ATP6V0D2: variants seen among roughly 807,000 people sequenced by gnomAD.
ATP6V0D2 encodes ATPase H+ transporting V0 subunit d2, also known as V-type proton ATPase subunit d 2.
In ATP6V0D2, 40 loss-of-function variants were observed where a neutral mutation model predicts 40.0. The ratio of observed to expected loss-of-function variants is 1.00; its 90% CI spans 0.78 to 1.30. ATP6V0D2 has a LOEUF of 1.30. ATP6V0D2 is among the 50% of genes most tolerant of loss of function. The pLI, the probability that ATP6V0D2 is intolerant of heterozygous loss-of-function variation, is 0.00. For missense variants in ATP6V0D2, 470 were observed against 423.1 expected (o/e 1.11, Z -0.97); for synonymous variants, 179 against 156.3 (o/e 1.15, Z -1.08).
chr8:86,129,636 A>G (rs1818790964), intron 2 of ATP6V0D2, among the ~76,000 whole-genome samples: 1 of 151,808 alleles, frequency 6.6e-6, no homozygotes, highest in Non-Finnish European at 1.5e-5. Context: ...ACATGGTGAA[A>G]CCCCATCTCT....
In ATP6V0D2 at chr8:86,106,937, G is replaced by A. The variant is rs140478310; in HGVS notation, c.131-6772G>A. Among the ~76,000 whole-genome samples the A allele has an allele frequency of 9.8e-3, 1,487 of 152,074 alleles. 24 individuals are homozygous for A. The highest frequency in any genetic ancestry group is 0.034 in the African/African-American group (1,398 of 41,502). Reference sequence around the variant, plus strand: ...TGTAATCCTAGCACTTTGGGAGGCCGAGGCAAGAGGATTGCTAGAGGCCAG... The same window carrying A: ...TGTAATCCTAGCACTTTGGGAGGCCAAGGCAAGAGGATTGCTAGAGGCCAG... On this transcript the variant is annotated intron_variant, in intron 1 of 7. Transcript: ENST00000285393.
intron 2 of ATP6V0D2, among the ~76,000 whole-genome samples, chr8:86,120,568 A>C (rs1207062672): frequency 2.0e-5 from 3 of 152,134 alleles, no homozygotes; most frequent in African/African-American, 7.2e-5. Flanking sequence ...AAATAAATAA[A>C]TTAAAAAAAT....
chr8:86,140,764 G>A (rs1430517628), intron 3 of ATP6V0D2, among the ~76,000 whole-genome samples: 6 of 152,154 alleles, frequency 3.9e-5, no homozygotes, highest in Non-Finnish European at 8.8e-5. Context: ...TTTCGTGGAA[G>A]ACAACTTTTC....
intron 2 of ATP6V0D2, among the ~76,000 whole-genome samples, chr8:86,118,154 G>A (rs1275982945): frequency 5.8e-5 from 8 of 139,024 alleles, no homozygotes; most frequent in Non-Finnish European, 1.1e-4. Flanking sequence ...TCCGCCTCCC[G>A]GGTTCAAGTG....
chr8:86,129,982 G>GAAAAAAAAAA (rs869058078), intron 2 of ATP6V0D2, among the ~76,000 whole-genome samples: 8 of 92,598 alleles, frequency 8.6e-5, no homozygotes, highest in Non-Finnish European at 1.6e-4. Context: ...GTCTCGAAAA[G>GAAAAAAAAAA]AAAAAAAAAA....
chr8:86,134,761 G>GA (rs953615512), intron 2 of ATP6V0D2, among the ~76,000 whole-genome samples: 6 of 151,846 alleles, frequency 4.0e-5, no homozygotes, highest in East Asian at 1.9e-4. Flanking sequence ...CCAAAAACTA[G>GA]AAAAAAACCA....
chr8:86,129,591 C>T (rs1398378746), intron 2 of ATP6V0D2, among the ~76,000 whole-genome samples: 1 of 152,084 alleles, frequency 6.6e-6, no homozygotes, highest in Non-Finnish European at 1.5e-5. Context: ...GCCTGCAGAT[C>T]ATCTGAGGTC....
chr8:86,121,095 C>A (rs1369423961), intron 2 of ATP6V0D2, among the ~76,000 whole-genome samples: 1 of 152,132 alleles, frequency 6.6e-6, no homozygotes, highest in Non-Finnish European at 1.5e-5. Flanking sequence ...CCATGAGTTT[C>A]TGTTGACAGT....
rs780652124 is a variant in ATP6V0D2, at chr8:86,150,244, G to A, written c.772G>A (p.Ala258Thr). ...TGAGGGGTTGCGGCTGTTGGCTCAA[G>A]CAGAAGACTTTGACCAGATGAAGAA... ...YPEGLRLLAQ[A>T]EDFDQMKNVA... is the part of the protein sequence containing the mutation. Residue 258 changes from alanine to threonine, a missense_variant, in exon 6 of 8, where the codon GCA (alanine) becomes ACA (threonine). Transcript: ENST00000285393. 1 of 1,613,220 alleles carries A rather than the reference G, an allele frequency of 6.2e-7. No homozygotes were observed. Among genetic ancestry groups the A allele is most frequent in the South Asian group, 1.1e-5 (1 of 91,026 alleles).
intron 1 of ATP6V0D2, among the ~76,000 whole-genome samples, chr8:86,100,145 G>C (rs1818376385): frequency 6.6e-6 from 1 of 151,890 alleles, no homozygotes; most frequent in African/African-American, 2.4e-5. Flanking sequence ...GTGGCTCCAA[G>C]CCTCTGAGTC....
At chr8:86,141,574 T>A (rs760424323) in intron 4 of ATP6V0D2, 45 bp downstream of exon 4, 68 of 1,364,226 alleles carry the variant, frequency 5.0e-5, no homozygotes, top group Non-Finnish European at 6.8e-5. Flanking sequence ...TTACACAATG[T>A]ATTGTGACTA....
intron 5 of ATP6V0D2, 29 bp from the exon 6 acceptor site, chr8:86,150,083 A>G (rs1819122290): frequency 1.2e-6 from 2 of 1,600,910 alleles, no homozygotes; most frequent in Non-Finnish European, 1.7e-6. Context: ...AGTTTATTAG[A>G]TTTTACTGGT....
chr8:86,112,897 C>A (rs1357932527), intron 1 of ATP6V0D2, among the ~76,000 whole-genome samples: 1 of 152,144 alleles, frequency 6.6e-6, no homozygotes, highest in African/African-American at 2.4e-5. Context: ...CATTAGATAA[C>A]TCCACCATTT....
chr8:86,101,758 G>A (rs1159939007), intron 1 of ATP6V0D2, among the ~76,000 whole-genome samples: 1 of 152,116 alleles, frequency 6.6e-6, no homozygotes, highest in East Asian at 1.9e-4. Context: ...GCAGGCATAT[G>A]CAGAATTTTC....
At chr8:86,133,448 G>A (rs539164849) in intron 2 of ATP6V0D2, among the ~76,000 whole-genome samples, 32 of 142,540 alleles carry the variant, frequency 2.2e-4, no homozygotes, top group Non-Finnish European at 4.4e-4. Context: ...TCAGCCTCCC[G>A]AGTAGCTAGG....
At chr8:86,133,042 T>A (rs933003353) in intron 2 of ATP6V0D2, among the ~76,000 whole-genome samples, 1 of 152,174 alleles carries the variant, frequency 6.6e-6, no homozygotes, top group Admixed American at 6.6e-5. Flanking sequence ...TAAGATGCTA[T>A]CTTATTGTGG....
At position 86,120,896 on chromosome 8, in the gene ATP6V0D2, C is replaced by A. The variant is rs922605795; in HGVS notation, c.302+7016C>A. 3.3e-5 allele frequency among the ~76,000 whole-genome samples: 5 copies of A among 152,222 alleles called. No homozygotes were observed. The East Asian group carries it at 5.8e-4, about 18-fold the overall frequency. On this transcript the variant is annotated intron_variant, in intron 2 of 7. Coordinates refer to ENST00000285393, the MANE Select transcript of ATP6V0D2 (RefSeq NM_152565.1). ...AATAAGGCAAACAAATCAGAAATAT[C>A]TGTCGGTCTTCAAAAACCACTCATA...
intron 2 of ATP6V0D2, among the ~76,000 whole-genome samples, chr8:86,130,316 A>G (rs894067300): frequency 1.3e-5 from 2 of 152,200 alleles, no homozygotes; most frequent in African/African-American, 4.8e-5. Flanking sequence ...ATTAATAACA[A>G]TATGTTAATA....
At chr8:86,108,917 A>G (rs1014144437) in intron 1 of ATP6V0D2, among the ~76,000 whole-genome samples, 6 of 152,218 alleles carry the variant, frequency 3.9e-5, no homozygotes, top group Non-Finnish European at 7.4e-5. Context: ...ACTATGTGAT[A>G]GACTCTATTT....
Sources: gnomAD v4.1 joint callset for allele counts (sites outside exome capture counted in the v4.1 genomes callset) on GRCh38, gnomAD v4.1.1 for gene constraint, MANE v1.5 for transcripts, NCBI Gene and HGNC (gene_info 2026-07-23, HGNC 2026-07-21) for gene names.